Variants in ADGRB3 observed in about 807,000 individuals in gnomAD.
ADGRB3 encodes brain-specific angiogenesis inhibitor 3.
Under a neutral mutation model 193.4 loss-of-function variants are expected in ADGRB3, and 37 were observed. That is an observed-to-expected ratio of 0.19 (90% CI 0.15 to 0.25). The LOEUF is 0.25. ADGRB3 is among the 10% of genes least tolerant of loss of function. The probability of loss-of-function intolerance (pLI) is 1.00; values close to 1 mark genes in which losing one functional copy is unlikely to be tolerated. For missense variants in ADGRB3, 1,637 were observed against 1,852.9 expected, an observed-to-expected ratio of 0.88 and a Z score of 2.14; for synonymous variants, 690 against 644.2, an observed-to-expected ratio of 1.07 and a Z score of -1.08.
chr6:68,955,177 A>T (rs940957114), intron 6 of ADGRB3, among the ~76,000 whole-genome samples: 1 of 152,180 alleles, frequency 6.6e-6, no homozygotes, highest in East Asian at 1.9e-4. Context: ...TGCATGGAAC[A>T]TACCTTTATC....
At chr6:68,901,742 C>A (rs978416737) in intron 3 of ADGRB3, among the ~76,000 whole-genome samples, 1 of 152,010 alleles carries the variant, frequency 6.6e-6, no homozygotes, top group African/African-American at 2.4e-5. Flanking sequence ...ATGAAAAATT[C>A]TTGTAAAATA....
rs115217663 is a variant in ADGRB3, at chr6:68,997,039, G to T, written c.1929+3077G>T. ...AATATATTCTTTTAAATGTAGTTATGTGCAAGGTATTTTATTAAAAATGGC... is the reference window on the plus strand; with the variant it reads ...AATATATTCTTTTAAATGTAGTTATTTGCAAGGTATTTTATTAAAAATGGC... On this transcript the variant is annotated intron_variant, in intron 11 of 31. Transcript: ENST00000370598. 3.4e-3 allele frequency among the ~76,000 whole-genome samples: 513 copies of T among 152,234 alleles called. 1 individual carries two copies. The highest frequency in any genetic ancestry group is 0.012 in the African/African-American group (478 of 41,550).
intron 28 of ADGRB3, 102 bp downstream of exon 28, chr6:69,355,962 G>T (rs1769329445): frequency 2.9e-6 from 3 of 1,031,240 alleles, no homozygotes; most frequent in Non-Finnish European, 4.3e-6. Flanking sequence ...ATTACATATT[G>T]TTCTGTGAAA....
At chr6:69,354,080 A>G (rs1408657652) in intron 26 of ADGRB3, among the ~76,000 whole-genome samples, 153 bp from the exon 27 acceptor site, 1 of 152,172 alleles carries the variant, frequency 6.6e-6, no homozygotes, top group Non-Finnish European at 1.5e-5. Context: ...TAATAGTAGT[A>G]ATAATAATAA....
At position 69,330,499 on chromosome 6, in the gene ADGRB3, T is replaced by C. The variant is rs1768693804; in HGVS notation, c.3036-7T>C. 1 of 1,601,780 alleles carries C rather than the reference T, an allele frequency of 6.2e-7. No individual in the cohort carries two copies. On this transcript the variant is annotated splice_region_variant and splice_polypyrimidine_tract_variant and intron_variant, in intron 22 of 31. Coordinates refer to ENST00000370598, the MANE Select transcript of ADGRB3 (RefSeq NM_001704.3). ...TTTTGTTAGTTCTTATCTAATGTCA[T>C]TTTCAGCTGCTGGCTCTCTCTTGAA...
chr6:68,871,253 G>T (rs1032779710), intron 3 of ADGRB3, among the ~76,000 whole-genome samples: 4 of 152,140 alleles, frequency 2.6e-5, no homozygotes, highest in African/African-American at 4.8e-5. Context: ...GGAGGATGAA[G>T]AATTTATTTT....
chr6:68,839,956 C>T (rs1490085585), intron 3 of ADGRB3, among the ~76,000 whole-genome samples: 1 of 152,022 alleles, frequency 6.6e-6, no homozygotes, highest in Admixed American at 6.6e-5. Context: ...TTTCCTTTTA[C>T]AGTGGAAAGC....
At chr6:68,789,722 C>G (rs1767060170) in intron 3 of ADGRB3, among the ~76,000 whole-genome samples, 1 of 152,172 alleles carries the variant, frequency 6.6e-6, no homozygotes, top group African/African-American at 2.4e-5. Context: ...TGGGGAAGTT[C>G]TCCTGGATAA....
intron 3 of ADGRB3, among the ~76,000 whole-genome samples, chr6:68,796,538 A>G (rs1404521051): frequency 6.6e-6 from 1 of 152,262 alleles, no homozygotes; most frequent in African/African-American, 2.4e-5. Flanking sequence ...TTTTGTCTCA[A>G]AACTTCAGTT....
chr6:68,776,610 G>A (rs1289490523), intron 3 of ADGRB3, among the ~76,000 whole-genome samples: 4 of 152,156 alleles, frequency 2.6e-5, no homozygotes, highest in African/African-American at 9.7e-5. Flanking sequence ...GGATGGCACC[G>A]TGTGGGAGAG....
At chr6:68,856,385 G>T (rs1045221685) in intron 3 of ADGRB3, among the ~76,000 whole-genome samples, 20 of 152,202 alleles carry the variant, frequency 1.3e-4, no homozygotes, top group Admixed American at 1.2e-3. Flanking sequence ...ACTCCCTAGA[G>T]ACTTGTTGAA....
chr6:68,726,704 C>T (rs1360211635), intron 3 of ADGRB3, among the ~76,000 whole-genome samples: 1 of 151,596 alleles, frequency 6.6e-6, no homozygotes, highest in East Asian at 1.9e-4. Context: ...GATCTGACAT[C>T]CTGTTTTGTA....
chr6:68,868,848 G>T (rs523962), intron 3 of ADGRB3, among the ~76,000 whole-genome samples: 47,447 of 151,698 alleles, frequency 0.31, 8,058 homozygotes, highest in East Asian at 0.59. Flanking sequence ...TCCTGGAAGT[G>T]TTGGAACCAA....
chr6:69,048,711 C>T (rs569020937), intron 14 of ADGRB3, among the ~76,000 whole-genome samples: 10 of 152,018 alleles, frequency 6.6e-5, no homozygotes, highest in African/African-American at 2.2e-4. Flanking sequence ...AAATTTGCTT[C>T]GGTTTGAAGA....
chr6:68,870,964 A>G (rs1019920888), intron 3 of ADGRB3, among the ~76,000 whole-genome samples: 2 of 152,324 alleles, frequency 1.3e-5, no homozygotes, highest in East Asian at 3.9e-4. Flanking sequence ...TTCTGCTTAT[A>G]GAGCCCTATT....
chr6:69,013,897 C>A, intron 11 of ADGRB3, 141 bp from the exon 12 acceptor site: 6 of 467,696 alleles, frequency 1.3e-5, no homozygotes, highest in Middle Eastern at 5.8e-4. Flanking sequence ...CCTCAGTGAT[C>A]TTCTAGAATA....
At position 68,927,407 on chromosome 6, in the gene ADGRB3, A is replaced by T. The variant is rs962897609; in HGVS notation, c.758-3152A>T. On this transcript the variant is annotated intron_variant, in intron 3 of 31. Coordinates refer to ENST00000370598, the MANE Select transcript of ADGRB3 (RefSeq NM_001704.3). ...CCTCAACCCACATTCACCACATAAA[A>T]TAATAGCAAAAATAATTGGTTTTTC... 2.0e-5 allele frequency among the ~76,000 whole-genome samples: 3 copies of T among 152,176 alleles called. No homozygotes were observed. The East Asian group carries it at 5.8e-4, about 29-fold the overall frequency.
At chr6:69,313,800 A>T (rs7743172) in intron 20 of ADGRB3, among the ~76,000 whole-genome samples, 1 of 151,718 alleles carries the variant, frequency 6.6e-6, no homozygotes, top group Non-Finnish European at 1.5e-5. Context: ...GTACAACATG[A>T]TGTTTTGAAA....
chr6:68,947,552 A>G (rs1028427053), intron 6 of ADGRB3, among the ~76,000 whole-genome samples: 12 of 152,114 alleles, frequency 7.9e-5, no homozygotes, highest in African/African-American at 2.4e-4. Context: ...GACATTTTCT[A>G]TGTCTGTTTC....
Sources: allele counts gnomAD v4.1 joint callset (sites outside exome capture counted in the v4.1 genomes callset), GRCh38; gene constraint gnomAD v4.1.1; transcripts MANE v1.5; gene names NCBI Gene and HGNC (gene_info 2026-07-23, HGNC 2026-07-21).